SPTBN1: variants seen among roughly 807,000 people sequenced by gnomAD.
SPTBN1 encodes spectrin beta, non-erythrocytic 1.
SPTBN1 carries 32 observed loss-of-function variants against 266.4 expected under a neutral mutation model. The ratio of observed to expected loss-of-function variants is 0.12; its 90% CI spans 0.09 to 0.16. The LOEUF is 0.16. Among genes scored for constraint, SPTBN1 ranks in the 10% least tolerant of loss-of-function variants. SPTBN1 has a pLI of 1.00. For missense variants in SPTBN1, 2,296 were observed against 3,067.1 expected (o/e 0.75, Z 5.94); for synonymous variants, 1,336 against 1,162.2 (o/e 1.15, Z -3.04).
chr2:54,661,248 A>G (rs1681023102), intron 32 of SPTBN1: 3 of 985,786 alleles, frequency 3.0e-6, no homozygotes, highest in Non-Finnish European at 3.6e-6. Flanking sequence ...TTAGAAATAA[A>G]AGCTGGTGAC....
intron 31 of SPTBN1, 101 bp from the exon 32 acceptor site, chr2:54,659,828 GGTTGCAC>G: frequency 6.8e-7 from 1 of 1,473,754 alleles, no homozygotes; most frequent in East Asian, 2.5e-5. Context: ...TATGTGAAAA[GGTTGCAC>G]GTAATAAAAT....
intron 1 of SPTBN1, among the ~76,000 whole-genome samples, chr2:54,464,003 AAATT>A (rs886912003): frequency 9.2e-5 from 14 of 152,346 alleles, no homozygotes; most frequent in Admixed American, 3.9e-4. Flanking sequence ...AATACAGACT[AAATT>A]AATTAATTTT....
intron 1 of SPTBN1, among the ~76,000 whole-genome samples, chr2:54,476,115 C>T (rs937509537): frequency 5.9e-5 from 9 of 152,086 alleles, no homozygotes; most frequent in Non-Finnish European, 5.9e-5. Flanking sequence ...TCCAGAATCT[C>T]GGTGGCTCAA....
At chr2:54,591,061 C>G (rs1401768910) in intron 2 of SPTBN1, among the ~76,000 whole-genome samples, 1 of 152,202 alleles carries the variant, frequency 6.6e-6, no homozygotes. Context: ...CAAAATTATT[C>G]TCTTAGCAAC....
intron 1 of SPTBN1, among the ~76,000 whole-genome samples, chr2:54,514,295 CAG>C (rs1330960689): frequency 6.6e-6 from 1 of 152,082 alleles, no homozygotes; most frequent in Non-Finnish European, 1.5e-5. Context: ...TTAAAATAAA[CAG>C]TGTATTTCCC....
intron 2 of SPTBN1, among the ~76,000 whole-genome samples, chr2:54,592,509 C>G (rs757193912): frequency 1.3e-5 from 2 of 152,022 alleles, no homozygotes; most frequent in African/African-American, 4.8e-5. Context: ...CTCAGCCTCC[C>G]GAGTAGCTGG....
intron 3 of SPTBN1, among the ~76,000 whole-genome samples, chr2:54,600,411 G>A (rs1676421786): frequency 6.6e-6 from 1 of 152,096 alleles, no homozygotes; most frequent in South Asian, 2.1e-4. Flanking sequence ...TTTTCTGTGA[G>A]GGTTTGTCGG....
chr2:54,607,837 A>T (rs2103761935), intron 3 of SPTBN1, among the ~76,000 whole-genome samples: 1 of 152,274 alleles, frequency 6.6e-6, no homozygotes, highest in South Asian at 2.1e-4. Flanking sequence ...TATTTCCTCA[A>T]GGTCAACCAC....
intron 1 of SPTBN1, among the ~76,000 whole-genome samples, chr2:54,480,137 C>T (rs1192336195): frequency 1.3e-5 from 2 of 152,138 alleles, no homozygotes; most frequent in Non-Finnish European, 2.9e-5. Context: ...TAATTAGCAC[C>T]TGTGGCCCAG....
At chr2:54,620,057 C>T (rs1054880395) in intron 7 of SPTBN1, among the ~76,000 whole-genome samples, 8 of 152,172 alleles carry the variant, frequency 5.3e-5, no homozygotes, top group African/African-American at 1.7e-4. Context: ...TCAATATTGC[C>T]GAACTTCAAA....
intron 18 of SPTBN1, among the ~76,000 whole-genome samples, chr2:54,641,300 C>G (rs1035870519): frequency 2.0e-5 from 3 of 152,218 alleles, no homozygotes; most frequent in Non-Finnish European, 4.4e-5. Context: ...AGCGCGCTCT[C>G]TCTCTCTCTC....
Position 54,646,294 on chromosome 2 carries a change from C to T in SPTBN1, c.4685C>T (p.Ala1562Val). 6.2e-7 allele frequency: 1 copy of T among 1,614,224 alleles called. No individual in the cohort carries two copies. Residue 1562 changes from alanine (A) to valine (V), a missense_variant, in exon 23 of 36, where the codon GCC becomes GTC. Transcript: ENST00000356805. This position sits in a 1 kb window ranked among gnomAD's most constrained non-coding sequence, Gnocchi z 4.4. ...VTDSSSLSAEAIRQRLADLKQ... is the reference protein window; with the variant it reads ...VTDSSSLSAEVIRQRLADLKQ... ...GACAGCAGCAGCCTCAGCGCTGAGG[C>T]CATCAGACAGAGGCTTGCCGACCTG...
chr2:54,636,560 T>C (rs931381329), intron 17 of SPTBN1, among the ~76,000 whole-genome samples: 4 of 152,140 alleles, frequency 2.6e-5, no homozygotes, highest in African/African-American at 9.7e-5. Flanking sequence ...TTCTTTCTCC[T>C]GGGGAAGTTT....
At chr2:54,496,439 TAAAAA>T (rs10623542) in intron 1 of SPTBN1, among the ~76,000 whole-genome samples, 2 of 126,354 alleles carry the variant, frequency 1.6e-5, no homozygotes, top group African/African-American at 6.0e-5. Context: ...CTCCGTGTCT[TAAAAA>T]AAAAAAAAAA....
intron 2 of SPTBN1, among the ~76,000 whole-genome samples, chr2:54,593,534 G>A (rs1428713679): frequency 6.6e-6 from 1 of 152,190 alleles, no homozygotes; most frequent in East Asian, 1.9e-4. Context: ...CCTCAGGTGT[G>A]ATCTTGGATC....
intron 1 of SPTBN1, among the ~76,000 whole-genome samples, chr2:54,485,275 C>G (rs371974494): frequency 1.3e-5 from 2 of 152,266 alleles, no homozygotes; most frequent in African/African-American, 2.4e-5. Flanking sequence ...CATCTCGGCT[C>G]ACTGCAACCT....
intron 7 of SPTBN1, 23 bp downstream of exon 7, chr2:54,618,216 G>GT: frequency 6.3e-7 from 1 of 1,595,894 alleles, no homozygotes; most frequent in Non-Finnish European, 8.6e-7. Context: ...GGGATTACAG[G>GT]TGGGATTTTT....
intron 1 of SPTBN1, among the ~76,000 whole-genome samples, chr2:54,520,816 A>C (rs1208144900): frequency 6.6e-6 from 1 of 152,012 alleles, no homozygotes; most frequent in Non-Finnish European, 1.5e-5. Context: ...ACGAGCTCCT[A>C]CTGTGGTGAG....
In SPTBN1 at chr2:54,629,015, G is replaced by A. The variant is rs767863700; in HGVS notation, c.1881G>A (p.Ala627=). Reference sequence around the variant, plus strand: ...GTTATCAAGAGCTTTGCCAGCTGGCGGCTGAGCGCAGGGCCCGTCTGGAAG... The same window carrying A: ...GTTATCAAGAGCTTTGCCAGCTGGCAGCTGAGCGCAGGGCCCGTCTGGAAG... ...EFCYQELCQL[A]AERRARLEES... Residue 627 remains alanine, a synonymous_variant, in exon 14 of 36, where the codon GCG becomes GCA. Transcript: ENST00000356805. 7.4e-6 allele frequency: 12 copies of A among 1,613,674 alleles called. No homozygotes were observed. Among genetic ancestry groups the A allele is most frequent in the African/African-American group, 4.0e-5 (3 of 74,936 alleles).
Sources: allele counts gnomAD v4.1 joint callset (sites outside exome capture counted in the v4.1 genomes callset), GRCh38; gene constraint gnomAD v4.1.1; non-coding constraint Gnocchi (gnomAD v3.1); transcripts MANE v1.5; gene names NCBI Gene and HGNC (gene_info 2026-07-23, HGNC 2026-07-21).